KIAA1328: variants seen among roughly 807,000 people sequenced by gnomAD.
KIAA1328 encodes the protein KIAA1328.
In KIAA1328, 52 loss-of-function variants were observed where a neutral mutation model predicts 68.1. The observed-to-expected ratio is 0.76, with a 90% confidence interval of 0.61 to 0.96. The LOEUF (loss-of-function observed/expected upper bound fraction) is 0.96, where lower values mean the gene tolerates loss of function less well. Among genes scored for constraint, KIAA1328 ranks in the 40% least tolerant of loss-of-function variants. The pLI, the probability that KIAA1328 is intolerant of heterozygous loss-of-function variation, is 0.00. For missense variants in KIAA1328, 641 were observed against 677.6 expected (o/e 0.95, Z 0.60); for synonymous variants, 232 against 239.4 (o/e 0.97, Z 0.28).
At chr18:36,972,304 C>A (rs986816651) in intron 6 of KIAA1328, among the ~76,000 whole-genome samples, 1 of 152,172 alleles carries the variant, frequency 6.6e-6, no homozygotes, top group African/African-American at 2.4e-5. Flanking sequence ...TTTTGTAAAA[C>A]CTAGTTTCAG....
At chr18:36,941,248 A>G (rs1177783255) in intron 5 of KIAA1328, among the ~76,000 whole-genome samples, 1 of 152,138 alleles carries the variant, frequency 6.6e-6, no homozygotes, top group African/African-American at 2.4e-5. Flanking sequence ...TTTCTCCTGA[A>G]TTCTTATAAA....
At chr18:37,183,886 A>C (rs2059744121) in intron 9 of KIAA1328, among the ~76,000 whole-genome samples, 1 of 152,010 alleles carries the variant, frequency 6.6e-6, no homozygotes, top group Non-Finnish European at 1.5e-5. Flanking sequence ...GTACTTAATC[A>C]CCTTCTAATA....
chr18:37,200,305 T>C (rs1409499234), intron 9 of KIAA1328, among the ~76,000 whole-genome samples: 5 of 152,246 alleles, frequency 3.3e-5, no homozygotes, highest in Non-Finnish European at 7.3e-5. Flanking sequence ...TTCTCATTGG[T>C]TTACATTCTC....
At chr18:37,182,323 G>T (rs1045720181) in intron 9 of KIAA1328, among the ~76,000 whole-genome samples, 1 of 152,050 alleles carries the variant, frequency 6.6e-6, no homozygotes, top group Non-Finnish European at 1.5e-5. Context: ...AGCTCCAAGA[G>T]ACAATTACAG....
intron 9 of KIAA1328, among the ~76,000 whole-genome samples, chr18:37,197,864 A>T (rs997353266): frequency 6.6e-6 from 1 of 152,172 alleles, no homozygotes; most frequent in East Asian, 1.9e-4. Context: ...CCCAAGAGAA[A>T]TGAAAATAGA....
chr18:37,006,336 A>G (rs2053781696), intron 6 of KIAA1328, among the ~76,000 whole-genome samples: 1 of 152,114 alleles, frequency 6.6e-6, no homozygotes. Context: ...CTCACAAAAT[A>G]CTGATCAAGG....
At chr18:37,127,969 A>C (rs527306947) in intron 7 of KIAA1328, among the ~76,000 whole-genome samples, 12 of 152,188 alleles carry the variant, frequency 7.9e-5, no homozygotes, top group Admixed American at 2.6e-4. Context: ...CCATGGAGGA[A>C]AGAAATGATG....
intron 7 of KIAA1328, among the ~76,000 whole-genome samples, chr18:37,157,764 C>T (rs1029851178): frequency 6.2e-5 from 9 of 145,236 alleles, no homozygotes; most frequent in South Asian, 4.3e-4. Context: ...GCAAAGACTG[C>T]GCCACTGCAC....
At chr18:36,933,129 T>C (rs2050372680) in intron 5 of KIAA1328, among the ~76,000 whole-genome samples, 1 of 152,136 alleles carries the variant, frequency 6.6e-6, no homozygotes, top group South Asian at 2.1e-4. Context: ...ACCCAATTTC[T>C]AAGGAAAACA....
At chr18:37,081,706 T>A (rs1169565722) in intron 7 of KIAA1328, among the ~76,000 whole-genome samples, 1 of 152,162 alleles carries the variant, frequency 6.6e-6, no homozygotes, top group Non-Finnish European at 1.5e-5. Context: ...AGAAATAAAG[T>A]TTTTTTCCCA....
intron 5 of KIAA1328, among the ~76,000 whole-genome samples, chr18:36,910,297 T>G (rs1466198175): frequency 4.6e-5 from 7 of 152,218 alleles, no homozygotes; most frequent in Non-Finnish European, 1.0e-4. Flanking sequence ...TTAATTTTTG[T>G]ATAAAGTGTA....
chr18:37,229,055 G>A (rs143386017), downstream of KIAA1328, among the ~76,000 whole-genome samples: 48 of 152,204 alleles, frequency 3.2e-4, no homozygotes, highest in African/African-American at 1.0e-3. Context: ...TTATAGTGGC[G>A]ATCTGGAACT....
chr18:37,084,707 C>G (rs183951451), intron 7 of KIAA1328, among the ~76,000 whole-genome samples: 444 of 152,190 alleles, frequency 2.9e-3, no homozygotes, highest in African/African-American at 0.01. Context: ...TAAATTTTGC[C>G]TTGAAGAACA....
intron 9 of KIAA1328, among the ~76,000 whole-genome samples, chr18:37,219,300 T>G (rs1156803133): frequency 6.6e-6 from 1 of 152,190 alleles, no homozygotes; most frequent in African/African-American, 2.4e-5. Flanking sequence ...GGGACCCACT[T>G]GAGGCAGTCT....
chr18:36,931,839 T>A (rs922710195), intron 5 of KIAA1328, among the ~76,000 whole-genome samples: 2 of 151,768 alleles, frequency 1.3e-5, no homozygotes, highest in African/African-American at 4.9e-5. Context: ...TTCATTTTTT[T>A]AATTTTTAGT....
chr18:37,104,350 G>A (rs2057710089), intron 7 of KIAA1328, among the ~76,000 whole-genome samples: 1 of 152,220 alleles, frequency 6.6e-6, no homozygotes, highest in Admixed American at 6.5e-5. Context: ...GAATGAAAAT[G>A]AGTCATTTGC....
intron 4 of KIAA1328, among the ~76,000 whole-genome samples, chr18:36,873,343 A>G (rs1182476871): frequency 6.6e-6 from 1 of 152,240 alleles, no homozygotes; most frequent in East Asian, 1.9e-4. Flanking sequence ...GTGCTACCAC[A>G]TGCAATGATT....
intron 6 of KIAA1328, among the ~76,000 whole-genome samples, chr18:37,007,374 G>A (rs770317494): frequency 3.5e-4 from 54 of 152,310 alleles, no homozygotes; most frequent in Non-Finnish European, 6.6e-4. Context: ...GAGAAGGCAT[G>A]AGGTGATCTT....
intron 7 of KIAA1328, among the ~76,000 whole-genome samples, chr18:37,086,080 G>T (rs1306103536): frequency 2.6e-5 from 4 of 152,156 alleles, no homozygotes; most frequent in Admixed American, 6.5e-5. Context: ...GGTCACCAGG[G>T]CCTGGGGGGT....
Sources: allele counts gnomAD v4.1 joint callset (sites outside exome capture counted in the v4.1 genomes callset), GRCh38; gene constraint gnomAD v4.1.1; transcripts MANE v1.5; gene names NCBI Gene and HGNC (gene_info 2026-07-23, HGNC 2026-07-21).